Variants in PARVA observed in about 807,000 individuals in gnomAD.
PARVA encodes alpha-parvin.
A neutral mutation model predicts 52.6 loss-of-function variants in PARVA; 25 were observed. The observed-to-expected ratio is 0.48, with a 90% CI of 0.35 to 0.66. The LOEUF is 0.66. PARVA is among the 30% of genes least tolerant of loss of function. PARVA has a pLI of 0.01. For missense variants in PARVA, 373 were observed against 450.9 expected, an observed-to-expected ratio of 0.83 and a Z score of 1.56; for synonymous variants, 185 against 179.1, an observed-to-expected ratio of 1.03 and a Z score of -0.26.
At chr11:12,489,194 T>C (rs1470007037) in intron 4 of PARVA, among the ~76,000 whole-genome samples, 5 of 151,492 alleles carry the variant, frequency 3.3e-5, no homozygotes, top group African/African-American at 1.2e-4. Context: ...AAAAAAGTGT[T>C]CAGTTATAGA....
Position 12,456,165 on chromosome 11 carries a change from A to G in PARVA, c.137-17580A>G, listed in dbSNP as rs1459619408. Among the ~76,000 whole-genome samples, 5 of 152,306 alleles carry G rather than the reference A, an allele frequency of 3.3e-5. No homozygotes were observed. In the East Asian group the frequency reaches 7.7e-4, roughly 24 times the overall value. On this transcript the variant is annotated intron_variant, in intron 1 of 12. Coordinates refer to ENST00000334956, the MANE Select transcript of PARVA (RefSeq NM_018222.5). ...GGGCAGTCCTTCCCTCCCTCCCAGT[A>G]TGTATGCGTTGTTGGCATGTACTGA...
chr11:12,494,712 ACAGACT>A (rs777189432), intron 4 of PARVA, among the ~76,000 whole-genome samples: 8 of 152,188 alleles, frequency 5.3e-5, no homozygotes, highest in Non-Finnish European at 1.0e-4. Context: ...GACCTAGAAA[ACAGACT>A]CAGAGACCTA....
intron 12 of PARVA, among the ~76,000 whole-genome samples, chr11:12,523,147 C>T (rs1941659553): frequency 1.3e-5 from 2 of 152,006 alleles, no homozygotes; most frequent in Non-Finnish European, 2.9e-5. Flanking sequence ...ATAAATAAAG[C>T]AAATGGCAAA....
chr11:12,483,385 G>T (rs1005539006), intron 4 of PARVA, among the ~76,000 whole-genome samples: 1 of 151,824 alleles, frequency 6.6e-6, no homozygotes, highest in African/African-American at 2.4e-5. Flanking sequence ...GAGGGGAAGA[G>T]AGAAATGCCA....
At chr11:12,429,031 G>A (rs749838539) in intron 1 of PARVA, among the ~76,000 whole-genome samples, 44 of 152,152 alleles carry the variant, frequency 2.9e-4, no homozygotes, top group Non-Finnish European at 1.0e-4. Flanking sequence ...AGGCTGGAGT[G>A]CAGCAGTGCG....
chr11:12,443,851 A>G (rs60345022), intron 1 of PARVA, among the ~76,000 whole-genome samples: 3,514 of 152,068 alleles, frequency 0.023, 152 homozygotes, highest in African/African-American at 0.08. Context: ...TCTACCTTCA[A>G]GTTCTAGGTT....
At chr11:12,523,124 A>G (rs1941659349) in intron 12 of PARVA, among the ~76,000 whole-genome samples, 1 of 152,320 alleles carries the variant, frequency 6.6e-6, no homozygotes, top group South Asian at 2.1e-4. Flanking sequence ...TAATGACTTA[A>G]AAGTTTTTAA....
rs1940760869 is a variant in PARVA, at chr11:12,460,405, CA to C, written c.137-13337del. ...ATAGTACCTACTCATTGGATTGTTGCAAAGATTATATGAGTTAATACATGTA... is the reference window on the plus strand; with the variant it reads ...ATAGTACCTACTCATTGGATTGTTGCAAGATTATATGAGTTAATACATGTA... On this transcript the variant is annotated intron_variant, in intron 1 of 12. Coordinates refer to ENST00000334956, the MANE Select transcript of PARVA (RefSeq NM_018222.5). Among the ~76,000 whole-genome samples, 3 of 152,148 alleles carry C rather than the reference CA, an allele frequency of 2.0e-5. No individual in the cohort carries two copies. The South Asian group carries it at 6.2e-4, about 32-fold the overall frequency.
rs1013747726 is a variant in PARVA, at chr11:12,514,163, T to C, written c.867+98T>C. On this transcript the variant is annotated intron_variant, in intron 10 of 12. Transcript: ENST00000334956. The stretch of plus-strand genomic sequence containing the variant: ...ACTTGGCCAGGAGGGCTTTCCCAGC[T>C]GAGGGGGATGAGGGCATGGGAATCT... The C allele has an allele frequency of 3.9e-5, 32 of 825,356 alleles. No individual in the cohort carries two copies. In the East Asian group the frequency reaches 7.7e-4, roughly 20 times the overall value. The allele number at this position is 825,356 out of a possible 1,614,324, so 51.1% of individuals were successfully genotyped here.
intron 4 of PARVA, chr11:12,478,239 G>T: frequency 2.3e-6 from 1 of 442,550 alleles, no homozygotes; most frequent in Non-Finnish European, 4.3e-6. Context: ...TAACTAGAAA[G>T]CACGCCTCCG....
At chr11:12,436,119 G>A (rs1940384143) in intron 1 of PARVA, among the ~76,000 whole-genome samples, 1 of 152,132 alleles carries the variant, frequency 6.6e-6, no homozygotes, top group South Asian at 2.1e-4. Flanking sequence ...ACCTCACCCA[G>A]CCTCTGTTTT....
intron 1 of PARVA, among the ~76,000 whole-genome samples, chr11:12,443,102 C>T (rs888897595): frequency 6.6e-6 from 1 of 151,370 alleles, no homozygotes; most frequent in Non-Finnish European, 1.5e-5. Flanking sequence ...ATCTTGTGAT[C>T]CGCCCGCCTG....
intron 1 of PARVA, among the ~76,000 whole-genome samples, chr11:12,382,369 G>A (rs573982525): frequency 1.3e-5 from 2 of 148,190 alleles, no homozygotes; most frequent in South Asian, 2.1e-4. Context: ...TTTGTGACAT[G>A]AGTAACTTTT....
chr11:12,446,428 A>T (rs1395599657), intron 1 of PARVA, among the ~76,000 whole-genome samples: 3 of 152,198 alleles, frequency 2.0e-5, no homozygotes, highest in Non-Finnish European at 4.4e-5. Flanking sequence ...CCTAGAGAAC[A>T]GTGTGATGAT....
Position 12,497,951 on chromosome 11 carries a change from C to CA in PARVA, c.541+1361dup, listed in dbSNP as rs957147243. Among the ~76,000 whole-genome samples the CA allele has an allele frequency of 1.8e-4, 27 of 151,662 alleles. No homozygotes were observed. In the East Asian group the frequency reaches 4.3e-3, roughly 24 times the overall value. ...TAGGGACCACCTCCCTGTACCCCTC[C>CA]AAAAAAAACAAGTCAAACATATTTA... On this transcript the variant is annotated intron_variant, in intron 5 of 12. Transcript: ENST00000334956.
chr11:12,402,103 A>G lies in PARVA; in HGVS notation c.136+24320A>G, dbSNP rs1194117478. 3.3e-5 allele frequency among the ~76,000 whole-genome samples: 5 copies of G among 152,200 alleles called. No individual in the cohort carries two copies. In the East Asian group the frequency reaches 9.6e-4, roughly 29 times the overall value. On this transcript the variant is annotated intron_variant, in intron 1 of 12. Coordinates refer to ENST00000334956, the MANE Select transcript of PARVA (RefSeq NM_018222.5). ...ACTCTATGGAGTGATTGAAGAGAGT[A>G]GTGGAGGGACCATTTACAAAGAGTG...
At chr11:12,518,706 G>T (rs571974734) in intron 12 of PARVA, among the ~76,000 whole-genome samples, 189 bp downstream of exon 12, 22 of 152,196 alleles carry the variant, frequency 1.4e-4, no homozygotes, top group Non-Finnish European at 2.9e-4. Context: ...GGGAAGAAAA[G>T]AATCTGAAAT....
intron 1 of PARVA, among the ~76,000 whole-genome samples, chr11:12,456,980 A>T (rs753294917): frequency 6.6e-6 from 1 of 152,178 alleles, no homozygotes; most frequent in Non-Finnish European, 1.5e-5. Flanking sequence ...ATCTTCTTTG[A>T]AATGGTTTTT....
intron 8 of PARVA, 96 bp downstream of exon 8, chr11:12,511,629 C>G: frequency 7.7e-7 from 1 of 1,301,106 alleles, no homozygotes; most frequent in Non-Finnish European, 1.1e-6. Context: ...CAGCTTGTCA[C>G]CTGGATATAC....
Sources: gnomAD v4.1 joint callset for allele counts (sites outside exome capture counted in the v4.1 genomes callset) on GRCh38, gnomAD v4.1.1 for gene constraint, MANE v1.5 for transcripts, NCBI Gene and HGNC (gene_info 2026-07-23, HGNC 2026-07-21) for gene names.